Variants in CSMD1 observed in about 807,000 individuals in gnomAD.
CSMD1 encodes CUB and Sushi multiple domains 1.
A neutral mutation model predicts 417.5 loss-of-function variants in CSMD1; 213 were observed. The observed-to-expected ratio is 0.51, with a 90% CI of 0.46 to 0.57. The LOEUF (loss-of-function observed/expected upper bound fraction) is 0.57, where lower values mean the gene tolerates loss of function less well. CSMD1 is among the 20% of genes least tolerant of loss of function. CSMD1 has a pLI of 0.00. For synonymous variants in CSMD1, 2,862 were observed against 1,736.8 expected (o/e 1.65, Z -16.11); for missense variants, 6,923 against 4,529.7 (o/e 1.53, Z -15.17).
At chr8:4,113,046 G>C (rs150814858) in intron 3 of CSMD1, among the ~76,000 whole-genome samples, 5 of 152,256 alleles carry the variant, frequency 3.3e-5, no homozygotes, top group African/African-American at 7.2e-5. Context: ...CATTTAAGGT[G>C]TTTTGGGGAT....
chr8:4,113,389 G>C (rs1284568624), intron 3 of CSMD1, among the ~76,000 whole-genome samples: 2 of 93,440 alleles, frequency 2.1e-5, no homozygotes, highest in Non-Finnish European at 4.1e-5. Flanking sequence ...AAATAAAAGG[G>C]CTTTTTTTTT....
chr8:4,581,694 T>C (rs888045763), intron 2 of CSMD1, among the ~76,000 whole-genome samples: 1 of 152,174 alleles, frequency 6.6e-6, no homozygotes, highest in Non-Finnish European at 1.5e-5. Context: ...TGGGGTCACA[T>C]AAGCAGGTCG....
chr8:4,240,687 G>A (rs1802346859), intron 3 of CSMD1, among the ~76,000 whole-genome samples: 1 of 152,102 alleles, frequency 6.6e-6, no homozygotes, highest in African/African-American at 2.4e-5. Context: ...ATCCCCTAAT[G>A]TAAATGTACC....
chr8:4,427,137 G>T (rs905452720), intron 2 of CSMD1, among the ~76,000 whole-genome samples: 1 of 151,200 alleles, frequency 6.6e-6, no homozygotes, highest in Admixed American at 6.6e-5. Flanking sequence ...CTCCTGCCAG[G>T]TAGGGGTGGT....
rs1275329605 is a variant in CSMD1, at chr8:3,367,093, G to T, written c.3054C>A (p.Ala1018=). ...AGAAGTCTGATATAAACCGAAGCTG[G>T]GCAGTGAAGTTTCCAAACAGGCCTG... The part of the protein sequence containing the change: ...IKAGLFGNFT[A]QLRFISDFSI... The change falls in exon 20 of 70, where the codon GCC becomes GCA. Residue 1018 remains alanine (A), a synonymous_variant. Coordinates refer to ENST00000635120, the MANE Select transcript of CSMD1 (RefSeq NM_033225.6). 3 of 1,613,838 alleles carry T rather than the reference G, an allele frequency of 1.9e-6. No homozygotes were observed. In the East Asian group the frequency reaches 6.7e-5, roughly 36 times the overall value.
At chr8:3,450,408 C>T (rs1585182455) in intron 12 of CSMD1, among the ~76,000 whole-genome samples, 1 of 151,860 alleles carries the variant, frequency 6.6e-6, no homozygotes, top group Non-Finnish European at 1.5e-5. Flanking sequence ...TGTGCTGCAC[C>T]CATTAACTCG....
intron 11 of CSMD1, among the ~76,000 whole-genome samples, chr8:3,487,437 G>A (rs540655350): frequency 2.6e-5 from 4 of 152,210 alleles, no homozygotes; most frequent in African/African-American, 4.8e-5. Context: ...TCCTGACCTC[G>A]TGATCTGCCC....
chr8:4,085,658 G>A (rs1349223562), intron 3 of CSMD1, among the ~76,000 whole-genome samples: 7 of 152,128 alleles, frequency 4.6e-5, no homozygotes, highest in African/African-American at 7.2e-5. Context: ...CTAGGTTTTT[G>A]CATACTGTGT....
intron 7 of CSMD1, among the ~76,000 whole-genome samples, chr8:3,643,358 G>A (rs1797401642): frequency 6.6e-6 from 1 of 152,036 alleles, no homozygotes; most frequent in Non-Finnish European, 1.5e-5. Context: ...GAAGAAATGG[G>A]GTTTACAAGC....
Position 3,110,290 on chromosome 8 carries a change from G to C in CSMD1, c.6476C>G (p.Ser2159Cys), listed in dbSNP as rs749868474. The C allele has an allele frequency of 6.2e-7, 1 of 1,613,480 alleles. No homozygotes were observed. The highest frequency in any genetic ancestry group is 1.3e-5 in the African/African-American group (1 of 75,034). ...NVTSQNGTIY[S>C]PGFPDEYPIL... The stretch of plus-strand genomic sequence containing the variant: ...CGGATACTCATCAGGAAAGCCAGGG[G>C]AGTAGATGGTGCCGTTCTGAGAAGT... The change falls in exon 43 of 70, where the codon TCC (serine) becomes TGC (cysteine). Residue 2159 changes from serine to cysteine, a missense_variant. By Grantham distance (112) the Ser-to-Cys change is moderately radical (BLOSUM62 -1). Transcript: ENST00000635120.
intron 37 of CSMD1, among the ~76,000 whole-genome samples, chr8:3,176,921 G>A (rs1206878349): frequency 2.6e-5 from 4 of 151,940 alleles, no homozygotes; most frequent in Non-Finnish European, 5.9e-5. Flanking sequence ...TGGGACTACA[G>A]GTGAGGCCAC....
chr8:4,529,397 G>C (rs1375762511), intron 2 of CSMD1, among the ~76,000 whole-genome samples: 2 of 152,022 alleles, frequency 1.3e-5, no homozygotes, highest in African/African-American at 4.8e-5. Flanking sequence ...CCACTTCTCT[G>C]GCTAAATTGT....
intron 5 of CSMD1, among the ~76,000 whole-genome samples, chr8:3,838,680 T>C (rs1802873618): frequency 2.3e-5 from 2 of 88,190 alleles, no homozygotes; most frequent in South Asian, 3.0e-4. Flanking sequence ...TAATATTATA[T>C]AGTATAATAT....
intron 5 of CSMD1, among the ~76,000 whole-genome samples, chr8:3,891,240 G>T (rs749311243): frequency 8.6e-5 from 13 of 151,856 alleles, no homozygotes; most frequent in Non-Finnish European, 1.8e-4. Context: ...GTAAAGATGG[G>T]TTTTTGCCAT....
At chr8:3,934,246 T>C (rs1256208312) in intron 5 of CSMD1, among the ~76,000 whole-genome samples, 1 of 152,196 alleles carries the variant, frequency 6.6e-6, no homozygotes, top group African/African-American at 2.4e-5. Context: ...ATGAACTTGC[T>C]CAGAATAATC....
chr8:3,589,492 T>C (rs1453397241), intron 8 of CSMD1, among the ~76,000 whole-genome samples: 2 of 152,028 alleles, frequency 1.3e-5, no homozygotes, highest in Admixed American at 1.3e-4. Context: ...CAGTTGATCC[T>C]GGGGGAAATT....
chr8:3,462,565 C>T (rs953398229), intron 12 of CSMD1, among the ~76,000 whole-genome samples: 7 of 152,204 alleles, frequency 4.6e-5, no homozygotes, highest in African/African-American at 1.4e-4. Flanking sequence ...CACTGTCTCC[C>T]ATCACCCAGA....
chr8:4,225,146 T>G (rs1348376269), intron 3 of CSMD1, among the ~76,000 whole-genome samples: 1 of 152,148 alleles, frequency 6.6e-6, no homozygotes, highest in Non-Finnish European at 1.5e-5. Flanking sequence ...ATTTTATTTG[T>G]TCATGTCAGG....
At position 4,452,740 on chromosome 8, in the gene CSMD1, A is replaced by G. The variant is rs142130796; in HGVS notation, c.303-32675T>C. ...ATCAACACGGACACAGACACAGGTT[A>G]TTCATCTTTCAACATATCATCCAAT... is the stretch of plus-strand genomic sequence containing the variant. On this transcript the variant is annotated intron_variant, in intron 2 of 69. Coordinates refer to ENST00000635120, the MANE Select transcript of CSMD1 (RefSeq NM_033225.6). Among the ~76,000 whole-genome samples the G allele has an allele frequency of 2.5e-3, 375 of 152,280 alleles. 1 individual carries two copies. The highest frequency in any genetic ancestry group is 6.8e-3 in the Middle Eastern group (2 of 294).
Sources: gnomAD v4.1 joint callset for allele counts (sites outside exome capture counted in the v4.1 genomes callset) on GRCh38, gnomAD v4.1.1 for gene constraint, MANE v1.5 for transcripts, NCBI Gene and HGNC (gene_info 2026-07-23, HGNC 2026-07-21) for gene names.